The following HIGD1B variants were observed in gnomAD, a reference collection of about 807,000 sequenced individuals.
HIGD1B encodes HIG1 domain family member 1B.
In HIGD1B, 9 loss-of-function variants were observed where a neutral mutation model predicts 8.8. That is an observed-to-expected ratio of 1.02 (90% CI 0.62 to 1.78). HIGD1B has a LOEUF of 1.78. Among genes scored for constraint, HIGD1B ranks in the 40% most tolerant of loss-of-function variants. The pLI is 0.00. For synonymous variants in HIGD1B, 47 were observed against 38.8 expected, an observed-to-expected ratio of 1.21 and a Z score of -0.78; for missense variants, 126 against 111.8, an observed-to-expected ratio of 1.13 and a Z score of -0.57.
rs200812161 is a variant in HIGD1B, at chr17:44,848,113, A to G, written c.-40A>G. On this transcript the variant is annotated 5_prime_UTR_variant, in exon 1 of 3. Transcript: ENST00000253410. The stretch of plus-strand genomic sequence containing the variant: ...GTGCCTCTCTCTAGGACGGGGCTGC[A>G]GCATAGGAGTCTCAGCTGCTTACAT... 1.2e-6 allele frequency: 1 copy of G among 857,404 alleles called. No individual in the cohort carries two copies. The highest frequency in any genetic ancestry group is 2.0e-6 in the Non-Finnish European group (1 of 491,442). The allele number at this position is 857,404 out of a possible 1,614,324, so 53.1% of individuals were successfully genotyped here.
upstream of HIGD1B, among the ~76,000 whole-genome samples, chr17:44,846,964 T>C (rs1185150528): frequency 6.6e-6 from 1 of 151,160 alleles, no homozygotes; most frequent in East Asian, 1.9e-4. Flanking sequence ...TAAGACCCCG[T>C]CTCTACTAAA....
chr17:44,849,445 G>A (rs1448512643), intron 2 of HIGD1B, 57 bp downstream of exon 2: 2 of 1,596,006 alleles, frequency 1.3e-6, no homozygotes, highest in Non-Finnish European at 1.7e-6. Context: ...CAGTTTGTAG[G>A]TCTTTAAGTC....
upstream of HIGD1B, among the ~76,000 whole-genome samples, chr17:44,846,609 G>A (rs1311643831): frequency 1.3e-5 from 2 of 151,740 alleles, no homozygotes; most frequent in Non-Finnish European, 2.9e-5. Flanking sequence ...TTGGCTGGGC[G>A]ACATGGCAAA....
rs1020644180 is a variant in HIGD1B at position 44,849,398 on chromosome 17, T to C, written c.235+10T>C. On this transcript the variant is annotated intron_variant, in intron 2 of 2. Transcript: ENST00000253410. ...GGTGCAATCATGCTAGGTGAGTAGC[T>C]TTGTGGGGTCGCAGAATGAGGGCAA... 3 of 1,613,504 alleles carry C rather than the reference T, an allele frequency of 1.9e-6. No homozygotes were observed. Among genetic ancestry groups the C allele is most frequent in the Admixed American group, 3.3e-5 (2 of 59,926 alleles).
rs767506308 is a variant in HIGD1B at position 44,850,405 on chromosome 17, T to C, written c.*9T>C. 5 of 1,607,968 alleles carry C rather than the reference T, an allele frequency of 3.1e-6. No individual in the cohort carries two copies. Among genetic ancestry groups the C allele is most frequent in the Non-Finnish European group, 4.3e-6 (5 of 1,175,710 alleles). On this transcript the variant is annotated 3_prime_UTR_variant, in exon 3 of 3. Transcript: ENST00000253410. ...ATGCTGGAGAGAAGTAGGACTCCTATAGGAGCCGGGGCTGTCCAACTCCCC... is the reference window on the plus strand; with the variant it reads ...ATGCTGGAGAGAAGTAGGACTCCTACAGGAGCCGGGGCTGTCCAACTCCCC...
chr17:44,847,671 C>T (rs1249016126), upstream of HIGD1B, among the ~76,000 whole-genome samples: 2 of 152,242 alleles, frequency 1.3e-5, no homozygotes, highest in African/African-American at 4.8e-5. Context: ...TGCTGTTACA[C>T]TATCTGGTCT....
At chr17:44,847,363 G>A (rs1415316832), upstream of HIGD1B, among the ~76,000 whole-genome samples, 1 of 152,190 alleles carries the variant, frequency 6.6e-6, no homozygotes, top group African/African-American at 2.4e-5. Flanking sequence ...AACCCGGGAA[G>A]CGGAGCTTGC....
upstream of HIGD1B, among the ~76,000 whole-genome samples, chr17:44,845,922 C>T (rs1027839894): frequency 5.9e-5 from 9 of 151,742 alleles, no homozygotes; most frequent in African/African-American, 2.2e-4. Flanking sequence ...CAGAGCAAGA[C>T]TCCATCTCGG....
chr17:44,849,512 A>G, intron 2 of HIGD1B, 124 bp downstream of exon 2: 1 of 1,168,378 alleles, frequency 8.6e-7, no homozygotes, highest in Non-Finnish European at 1.2e-6. Flanking sequence ...CTGTAATCTC[A>G]ACACTTTGGG....
chr17:44,848,041 A>G lies in HIGD1B; in HGVS notation c.-112A>G. 7.5e-6 allele frequency: 5 copies of G among 667,174 alleles called. No individual in the cohort carries two copies. The highest frequency in any genetic ancestry group is 1.4e-5 in the Non-Finnish European group (5 of 369,956). 41.3% of individuals were successfully genotyped at this position (667,174 alleles called of 1,614,324 possible). On this transcript the variant is annotated 5_prime_UTR_variant, in exon 1 of 3. The change abolishes the stop of an existing upstream ORF in the 5' untranslated region. Transcript: ENST00000253410. ...TGGTGAGAGAGGGTCTTAGCAGGTA[A>G]CCTTCCTTTCCTCTCCAGACTGAGG...
Position 44,849,297 on chromosome 17 carries a change from G to T in HIGD1B, c.144G>T (p.Arg48=). 1 of 1,614,124 alleles carries T rather than the reference G, an allele frequency of 6.2e-7. No individual in the cohort carries two copies. The highest frequency in any genetic ancestry group is 1.1e-5 in the South Asian group (1 of 91,082). The part of the protein sequence containing the change: ...CLVVAAYRIY[R]LRSRGSTKMS... ...TGGTAGCAGCATACAGGATTTACCG[G>T]CTGAGGTCTCGTGGTTCCACCAAGA... Residue 48 remains arginine (R), a synonymous_variant, in exon 2 of 3, where the codon CGG becomes CGT. Transcript: ENST00000253410.
chr17:44,846,861 C>T (rs903922471), upstream of HIGD1B, among the ~76,000 whole-genome samples: 13 of 151,864 alleles, frequency 8.6e-5, no homozygotes, highest in Non-Finnish European at 1.5e-4. Context: ...TTGGACAGGG[C>T]ACGGTGGCTC....
intron 1 of HIGD1B, among the ~76,000 whole-genome samples, chr17:44,848,830 C>T (rs977193825): frequency 6.6e-6 from 1 of 152,072 alleles, no homozygotes; most frequent in Admixed American, 6.5e-5. Flanking sequence ...GGCTGGAGTG[C>T]AATGGCACAG....
rs751484914 is a variant in HIGD1B at position 44,848,168 on chromosome 17, C to T, written c.16C>T (p.Arg6Cys). ...GTCCAGGATTATGTCTGCTAACAGA[C>T]GCTGGTGGGTACCACCTGACGACGA... MSANR[R>C]WWVPPDDEDC... Residue 6 changes from arginine to cysteine, a missense_variant, in exon 1 of 3, where the codon CGC (arginine) becomes TGC (cysteine). By Grantham distance (180) the Arg-to-Cys change is radical. Coordinates refer to ENST00000253410, the MANE Select transcript of HIGD1B (RefSeq NM_016438.4). The T allele has an allele frequency of 1.9e-5, 17 of 872,596 alleles. No individual in the cohort carries two copies. The highest frequency in any genetic ancestry group is 5.1e-5 in the Admixed American group (3 of 59,148). 54.1% of individuals were successfully genotyped at this position (872,596 alleles called of 1,614,324 possible). A position where few individuals can be genotyped will look rare whatever the true frequency, so the allele number is the denominator to read the frequency against.
At position 44,847,932 on chromosome 17, in the gene HIGD1B, C is replaced by T. The variant is rs114175339; in HGVS notation, c.-221C>T. 3.7e-3 allele frequency: 1,671 copies of T among 451,522 alleles called. 30 individuals are homozygous for T. The highest frequency in any genetic ancestry group is 0.028 in the African/African-American group (1,361 of 49,160). 28.0% of individuals were successfully genotyped at this position (451,522 alleles called of 1,614,324 possible). On this transcript the variant is annotated 5_prime_UTR_variant, in exon 1 of 3. In the 5' UTR this introduces an upstream ATG that the reference lacks. Transcript: ENST00000253410. ...AGAGGCAGATGGTAGGAAATGGAGA[C>T]GGAGAAATGGCACTAATGGCCCAGC...
rs1396035736 is a variant in HIGD1B, at chr17:44,847,986, A to C, written c.-167A>C. 6 of 510,192 alleles carry C rather than the reference A, an allele frequency of 1.2e-5. No individual in the cohort carries two copies. The highest frequency in any genetic ancestry group is 2.0e-5 in the African/African-American group (1 of 50,324). The allele number at this position is 510,192 out of a possible 1,614,324, so 31.6% of individuals were successfully genotyped here. On this transcript the variant is annotated 5_prime_UTR_variant, in exon 1 of 3. Coordinates refer to ENST00000253410, the MANE Select transcript of HIGD1B (RefSeq NM_016438.4). ...CTGAGATGGGATACCTGGGAGGGAC[A>C]TCTTTTCAAGTAGAGGCTGTGTTGG...
At chr17:44,846,169 C>A (rs1488458025), upstream of HIGD1B, among the ~76,000 whole-genome samples, 1 of 152,158 alleles carries the variant, frequency 6.6e-6, no homozygotes, top group African/African-American at 2.4e-5. Flanking sequence ...TAGTTAGGGG[C>A]TCCCCTCCAT....
upstream of HIGD1B, among the ~76,000 whole-genome samples, chr17:44,845,181 C>A (rs1341317828): frequency 1.3e-5 from 2 of 151,672 alleles, no homozygotes; most frequent in East Asian, 3.9e-4. Flanking sequence ...TCACTTGAAC[C>A]CGGGAGGCAG....
At position 44,850,361 on chromosome 17, in the gene HIGD1B, G is replaced by A. The variant is rs148662684; in HGVS notation, c.265G>A (p.Val89Ile). ...GAVYTMYSDY[V>I]KRMAQDAGEK The stretch of plus-strand genomic sequence containing the variant: ...TGTGTACACAATGTACAGCGATTAC[G>A]TCAAGAGGATGGCACAGGATGCTGG... Residue 89 changes from valine to isoleucine, a missense_variant, in exon 3 of 3, where the codon GTC becomes ATC. By Grantham distance (29) the Val-to-Ile change is conservative. Transcript: ENST00000253410. 1.6e-4 allele frequency: 253 copies of A among 1,613,398 alleles called. No individual in the cohort carries two copies. The highest frequency in any genetic ancestry group is 4.3e-4 in the Admixed American group (26 of 59,976).
Sources: gnomAD v4.1 joint callset for allele counts (sites outside exome capture counted in the v4.1 genomes callset) on GRCh38, gnomAD v4.1.1 for gene constraint, MANE v1.5 for transcripts, NCBI Gene and HGNC (gene_info 2026-07-23, HGNC 2026-07-21) for gene names.